The following RAET1E variants were observed in gnomAD, a reference collection of about 807,000 sequenced individuals.
RAET1E encodes the protein NKG2D ligand 4.
In RAET1E, 27 loss-of-function variants were observed where a neutral mutation model predicts 21.1. The observed-to-expected ratio is 1.28, with a 90% CI of 0.94 to 1.76. The LOEUF is 1.76. Ranked by LOEUF, RAET1E falls within the 40% of genes most tolerant of loss-of-function variation. RAET1E has a pLI of 0.00. For synonymous variants in RAET1E, 113 were observed against 115.0 expected, an observed-to-expected ratio of 0.98 and a Z score of 0.11; for missense variants, 310 against 311.3, an observed-to-expected ratio of 1.00 and a Z score of 0.03.
intron 1 of RAET1E, among the ~76,000 whole-genome samples, chr6:149,896,614 G>A (rs552950491): frequency 1.4e-4 from 21 of 151,996 alleles, no homozygotes; most frequent in African/African-American, 4.8e-4. Context: ...ACCAGCGGGG[G>A]TGGGCCAAGA....
At position 149,888,375 on chromosome 6, in the gene RAET1E, G is replaced by A; in HGVS notation, c.*123C>T. On this transcript the variant is annotated 3_prime_UTR_variant, in exon 6 of 6. Coordinates refer to ENST00000357183, the MANE Select transcript of RAET1E (RefSeq NM_001394057.1). ...CCTCTCACTGCACATTGTGCTGCCA[G>A]CCCTGCTGTGTAGTGTGGGGGCTCA... 1 of 1,184,734 alleles carries A rather than the reference G, an allele frequency of 8.4e-7. No individual in the cohort carries two copies. Among genetic ancestry groups the A allele is most frequent in the South Asian group, 1.4e-5 (1 of 70,820 alleles). 73.4% of individuals were successfully genotyped at this position (1,184,734 alleles called of 1,614,324 possible).
chr6:149,892,963 A>T lies in RAET1E; in HGVS notation c.-133-1929T>A, dbSNP rs199865117. Among the ~76,000 whole-genome samples the T allele has an allele frequency of 5.0e-4, 76 of 152,246 alleles. No homozygotes were observed. The East Asian group carries it at 0.013, about 27-fold the overall frequency. ...CCCAACACCATTTATTAAACAGGGG[A>T]TCTTTTCCCCATTGCTTGTGTGTGT... On this transcript the variant is annotated intron_variant, in intron 2 of 5. Transcript: ENST00000357183.
intron 2 of RAET1E, among the ~76,000 whole-genome samples, chr6:149,892,853 T>C (rs576759517): frequency 1.3e-5 from 2 of 152,230 alleles, no homozygotes; most frequent in Non-Finnish European, 2.9e-5. Flanking sequence ...TATGTTTAAG[T>C]CTTTGATCCA....
At chr6:149,892,610 T>G (rs1777952214) in intron 2 of RAET1E, among the ~76,000 whole-genome samples, 1 of 152,196 alleles carries the variant, frequency 6.6e-6, no homozygotes, top group African/African-American at 2.4e-5. Context: ...TATTAGCCCC[T>G]TGTCAGATGG....
rs1777519155 is a variant in RAET1E, at chr6:149,884,389, C to T, written c.*4109G>A. The stretch of plus-strand genomic sequence containing the variant: ...CGCGATCTCCGCTCATTGCAGGCTC[C>T]GCCTCCACTTGACTCAGGGAACACA... On this transcript the variant is annotated 3_prime_UTR_variant, in exon 6 of 6. Coordinates refer to ENST00000357183, the MANE Select transcript of RAET1E (RefSeq NM_001394057.1). The T allele has an allele frequency of 2.7e-6, 3 of 1,111,042 alleles. No homozygotes were observed. Among genetic ancestry groups the T allele is most frequent in the East Asian group, 2.6e-5 (1 of 38,384 alleles). 68.8% of individuals were successfully genotyped at this position (1,111,042 alleles called of 1,614,324 possible).
rs542886960 is a variant in RAET1E, at chr6:149,887,857, C to T, written c.*641G>A. Among the ~76,000 whole-genome samples the T allele has an allele frequency of 1.1e-4, 17 of 152,170 alleles. No individual in the cohort carries two copies. The highest frequency in any genetic ancestry group is 2.4e-4 in the Non-Finnish European group (16 of 68,036). ...TGAATTCTTCATGTCAGAGCAGTGG[C>T]GGAGAAACAGGACCAAAGAGCAGAA... is the stretch of plus-strand genomic sequence containing the variant. On this transcript the variant is annotated 3_prime_UTR_variant, in exon 6 of 6. Coordinates refer to ENST00000357183, the MANE Select transcript of RAET1E (RefSeq NM_001394057.1).
Position 149,884,326 on chromosome 6 carries a change from C to G in RAET1E, c.*4172G>C, listed in dbSNP as rs1244997130. The stretch of plus-strand genomic sequence containing the variant: ...GAAAAAAAATTTTTTTTTTTTGAGA[C>G]GGAGTCTTGCTCTGTTGCCAAGACT... On this transcript the variant is annotated 3_prime_UTR_variant, in exon 6 of 6. Coordinates refer to ENST00000357183, the MANE Select transcript of RAET1E (RefSeq NM_001394057.1). 7 of 629,208 alleles carry G rather than the reference C, an allele frequency of 1.1e-5. No homozygotes were observed. Among genetic ancestry groups the G allele is most frequent in the Non-Finnish European group, 1.9e-5 (7 of 372,392 alleles). The allele number at this position is 629,208 out of a possible 1,614,324, so 39.0% of individuals were successfully genotyped here. A position where few individuals can be genotyped will look rare whatever the true frequency, so the allele number is the denominator to read the frequency against.
At position 149,889,575 on chromosome 6, in the gene RAET1E, C is replaced by T. The variant is rs201885603; in HGVS notation, c.395G>A (p.Arg132Gln). Residue 132 changes from arginine to glutamine, a missense_variant, in exon 5 of 6, where the codon CGG becomes CAG. Physicochemically the swap from Arg to Gln is conservative, Grantham distance 43. Transcript: ENST00000357183. ...VEMFCQREAE[R>Q]CTGASWQFAT... ...GAACTGCCAGGATGCACCAGTGCACCGTTCTGCTTCACGTTGACAAAACAT... is the reference window on the plus strand; with the variant it reads ...GAACTGCCAGGATGCACCAGTGCACTGTTCTGCTTCACGTTGACAAAACAT... The T allele has an allele frequency of 3.1e-5, 50 of 1,614,158 alleles. 1 individual carries two copies. The Admixed American group carries it at 5.7e-4, about 18-fold the overall frequency.
intron 2 of RAET1E, 61 bp from the exon 3 acceptor site, chr6:149,891,095 A>G (rs1334768781): frequency 2.0e-6 from 1 of 510,816 alleles, no homozygotes; most frequent in African/African-American, 1.9e-5. Context: ...TATTCAGAAT[A>G]TAATCATTTA....
At position 149,889,337 on chromosome 6, in the gene RAET1E, A is replaced by C; in HGVS notation, c.622+11T>G. 1 of 1,613,744 alleles carries C rather than the reference A, an allele frequency of 6.2e-7. No homozygotes were observed. Among genetic ancestry groups the C allele is most frequent in the Non-Finnish European group, 8.5e-7 (1 of 1,179,868 alleles). The stretch of plus-strand genomic sequence containing the variant: ...AGGGAGCTGCCACATTCTCCCACCC[A>C]GCTCAGTTACCTGTCGGTTCTGGCA... On this transcript the variant is annotated intron_variant, in intron 5 of 5. Coordinates refer to ENST00000357183, the MANE Select transcript of RAET1E (RefSeq NM_001394057.1).
chr6:149,888,166 G>T lies in RAET1E; in HGVS notation c.*332C>A. ...CAAGCGCCACCAGCAAGTCTTCTCA[G>T]GGTGAACGGGAAAAGGGGATGGGAC... is the stretch of plus-strand genomic sequence containing the variant. On this transcript the variant is annotated 3_prime_UTR_variant, in exon 6 of 6. Transcript: ENST00000357183. The T allele has an allele frequency of 1.7e-6, 1 of 572,126 alleles. No homozygotes were observed. The allele number at this position is 572,126 out of a possible 1,614,324, so 35.4% of individuals were successfully genotyped here. A position where few individuals can be genotyped will look rare whatever the true frequency, so the allele number is the denominator to read the frequency against.
Position 149,888,274 on chromosome 6 carries a change from G to T in RAET1E, c.*224C>A. 1 of 714,650 alleles carries T rather than the reference G, an allele frequency of 1.4e-6. No homozygotes were observed. The highest frequency in any genetic ancestry group is 2.7e-5 in the East Asian group (1 of 36,474). 44.3% of individuals were successfully genotyped at this position (714,650 alleles called of 1,614,324 possible). ...GGATGAAACCTGGGCCGGATGGCAA[G>T]GAGACAACACCCCAGGCAGGCGTTC... On this transcript the variant is annotated 3_prime_UTR_variant, in exon 6 of 6. Coordinates refer to ENST00000357183, the MANE Select transcript of RAET1E (RefSeq NM_001394057.1).
At chr6:149,890,664 A>C (rs1320908017) in intron 3 of RAET1E, among the ~76,000 whole-genome samples, 153 bp downstream of exon 3, 2 of 152,034 alleles carry the variant, frequency 1.3e-5, no homozygotes, top group Non-Finnish European at 2.9e-5. Flanking sequence ...TCTCCCATGA[A>C]CTGGGTGTAA....
At position 149,889,586 on chromosome 6, in the gene RAET1E, A is replaced by G. The variant is rs780104478; in HGVS notation, c.384T>C (p.Arg128=). 6.2e-7 allele frequency: 1 copy of G among 1,614,088 alleles called. No homozygotes were observed. Among genetic ancestry groups the G allele is most frequent in the Non-Finnish European group, 8.5e-7 (1 of 1,180,050 alleles). The part of the protein sequence containing the change: ...STLQVEMFCQ[R]EAERCTGASW... Reference sequence around the variant, plus strand: ...ATGCACCAGTGCACCGTTCTGCTTCACGTTGACAAAACATCTCGACTTGCA... The same window carrying G: ...ATGCACCAGTGCACCGTTCTGCTTCGCGTTGACAAAACATCTCGACTTGCA... Residue 128 remains arginine (R), a synonymous_variant, in exon 5 of 6, where the codon CGT becomes CGC. Coordinates refer to ENST00000357183, the MANE Select transcript of RAET1E (RefSeq NM_001394057.1).
Position 149,889,419 on chromosome 6 carries a change from A to G in RAET1E, c.551T>C (p.Leu184Pro). The change falls in exon 5 of 6, where the codon CTC (leucine) becomes CCC (proline). Residue 184 changes from leucine to proline, a missense_variant. Leu to Pro is a moderately conservative substitution (Grantham distance 98). Coordinates refer to ENST00000357183, the MANE Select transcript of RAET1E (RefSeq NM_001394057.1). ...CCAGTGATCGCAGTCTCCCTTTGAG[A>G]GCTTCCTGAAATACTTTTCCAGCCC... is the stretch of plus-strand genomic sequence containing the variant. ...DRGLEKYFRK[L>P]SKGDCDHWLR... The G allele has an allele frequency of 1.9e-6, 3 of 1,614,056 alleles. No individual in the cohort carries two copies. The highest frequency in any genetic ancestry group is 2.5e-6 in the Non-Finnish European group (3 of 1,180,024).
At chr6:149,896,697 T>C (rs1778130438) in intron 1 of RAET1E, among the ~76,000 whole-genome samples, 1 of 152,084 alleles carries the variant, frequency 6.6e-6, no homozygotes, top group South Asian at 2.1e-4. Flanking sequence ...TGCGTGCATA[T>C]GTGTGATATG....
At chr6:149,890,726 G>T in intron 3 of RAET1E, 91 bp downstream of exon 3, 1 of 853,674 alleles carries the variant, frequency 1.2e-6, no homozygotes, top group Non-Finnish European at 2.0e-6. Flanking sequence ...GCACCCACTT[G>T]TCTGAAGCCT....
rs145816987 is a variant in RAET1E, at chr6:149,894,672, G to T, written c.-134+1174C>A. Among the ~76,000 whole-genome samples the T allele has an allele frequency of 8.0e-3, 1,219 of 152,096 alleles. 11 individuals are homozygous for T. Among genetic ancestry groups the T allele is most frequent in the African/African-American group, 0.027 (1,119 of 41,514 alleles). ...CATTGGTTATTCTAATTAGCAATTCGACTAACCTTTTTTCAAGGTTCTTAT... is the reference window on the plus strand; with the variant it reads ...CATTGGTTATTCTAATTAGCAATTCTACTAACCTTTTTTCAAGGTTCTTAT... On this transcript the variant is annotated intron_variant, in intron 2 of 5. Transcript: ENST00000357183.
Position 149,889,366 on chromosome 6 carries a change from C to G in RAET1E, c.604G>C (p.Ala202Pro). ...CAGTTACCTGTCGGTTCTGGCATTG[C>G]CTCCCAGTGCCCTAAGAATTCCCTG... The part of the protein sequence containing the change: ...WLREFLGHWE[A>P]MPEPTVSPVN... Residue 202 changes from alanine (A) to proline (P), a missense_variant, in exon 5 of 6, where the codon GCA becomes CCA. By Grantham distance (27) the Ala-to-Pro change is conservative. Transcript: ENST00000357183. 6.2e-7 allele frequency: 1 copy of G among 1,614,152 alleles called. No homozygotes were observed.
Sources: allele counts gnomAD v4.1 joint callset (sites outside exome capture counted in the v4.1 genomes callset), GRCh38; gene constraint gnomAD v4.1.1; transcripts MANE v1.5; gene names NCBI Gene and HGNC (gene_info 2026-07-23, HGNC 2026-07-21).